Variants in SYT17 observed in about 807,000 individuals in gnomAD.
SYT17 encodes synaptotagmin-17.
In SYT17, 22 loss-of-function variants were observed where a neutral mutation model predicts 46.7. The observed-to-expected ratio is 0.47, with a 90% CI of 0.34 to 0.67. The LOEUF (loss-of-function observed/expected upper bound fraction) is 0.67, where lower values mean the gene tolerates loss of function less well. Among genes scored for constraint, SYT17 ranks in the 30% least tolerant of loss-of-function variants. The probability of loss-of-function intolerance (pLI) is 0.01; values close to 1 mark genes in which losing one functional copy is unlikely to be tolerated. For missense variants in SYT17, 519 were observed against 612.8 expected, an observed-to-expected ratio of 0.85 and a Z score of 1.62; for synonymous variants, 251 against 248.4, an observed-to-expected ratio of 1.01 and a Z score of -0.10.
chr16:19,219,561 C>T (rs112664760), intron 5 of SYT17, among the ~76,000 whole-genome samples: 3,438 of 152,240 alleles, frequency 0.023, 143 homozygotes, highest in African/African-American at 0.079. Flanking sequence ...CAATCAACTG[C>T]ATTGAGGCGG....
intron 5 of SYT17, among the ~76,000 whole-genome samples, chr16:19,205,133 A>G (rs1292558786): frequency 6.6e-6 from 1 of 152,178 alleles, no homozygotes; most frequent in Non-Finnish European, 1.5e-5. Flanking sequence ...ATACAGTAAA[A>G]TAAATGTCAG....
chr16:19,249,426 G>T (rs1000652434), intron 7 of SYT17, among the ~76,000 whole-genome samples: 7 of 152,116 alleles, frequency 4.6e-5, no homozygotes, highest in Non-Finnish European at 8.8e-5. Context: ...CTTTCTTTGG[G>T]GAAAGAGCTA....
Position 19,168,664 on chromosome 16 carries a change from A to G in SYT17, c.15+3A>G. The G allele has an allele frequency of 6.6e-7, 1 of 1,523,636 alleles. No individual in the cohort carries two copies. Among genetic ancestry groups the G allele is most frequent in the Non-Finnish European group, 8.8e-7 (1 of 1,133,650 alleles). 94.4% of individuals were successfully genotyped at this position (1,523,636 alleles called of 1,614,324 possible). A position where few individuals can be genotyped will look rare whatever the true frequency, so the allele number is the denominator to read the frequency against. ...GGGCGAAAATGGCGTACATCCAGGTAGGGCTGAGGCTGGGGGCAAGGTCCG... is the reference window on the plus strand; with the variant it reads ...GGGCGAAAATGGCGTACATCCAGGTGGGGCTGAGGCTGGGGGCAAGGTCCG... On this transcript the variant is annotated splice_donor_region_variant and intron_variant, in intron 1 of 7. Coordinates refer to ENST00000355377, the MANE Select transcript of SYT17 (RefSeq NM_016524.4). This position sits in a 1 kb window ranked among gnomAD's most constrained non-coding sequence, Gnocchi z 6.9.
intron 3 of SYT17, among the ~76,000 whole-genome samples, chr16:19,178,137 G>T (rs1457408459): frequency 6.6e-6 from 1 of 151,742 alleles, no homozygotes; most frequent in African/African-American, 2.4e-5. Flanking sequence ...AGGCTGGAGT[G>T]CAGTGGTGCA....
intron 1 of SYT17, among the ~76,000 whole-genome samples, chr16:19,169,363 G>C (rs1433618687): frequency 1.3e-5 from 2 of 152,214 alleles, no homozygotes; most frequent in Non-Finnish European, 2.9e-5. Flanking sequence ...TTGGTGAAAA[G>C]ACCTTTCTCC....
chr16:19,252,679 C>T (rs1207033658), intron 7 of SYT17, among the ~76,000 whole-genome samples: 1 of 149,802 alleles, frequency 6.7e-6, no homozygotes. Flanking sequence ...GAAGAGGATT[C>T]TATTCCTCAA....
rs200001536 is a variant in SYT17, at chr16:19,209,055, G to A, written c.952-13990G>A. ...CCTAATTTTTTGTATTTTTAGTAGA[G>A]ATGGAGTTTCACCATGTTGGTCAGG... On this transcript the variant is annotated intron_variant, in intron 5 of 7. Coordinates refer to ENST00000355377, the MANE Select transcript of SYT17 (RefSeq NM_016524.4). 1.5e-4 allele frequency among the ~76,000 whole-genome samples: 23 copies of A among 151,978 alleles called. No individual in the cohort carries two copies. In the East Asian group the frequency reaches 4.3e-3, roughly 28 times the overall value.
At chr16:19,234,797 A>G (rs1415909928) in intron 7 of SYT17, among the ~76,000 whole-genome samples, 1 of 152,206 alleles carries the variant, frequency 6.6e-6, no homozygotes, top group African/African-American at 2.4e-5. Context: ...GGAAAATTAT[A>G]TCTGCTGTTT....
intron 5 of SYT17, chr16:19,211,134 C>T (rs1038814485): frequency 4.8e-5 from 17 of 357,410 alleles, no homozygotes; most frequent in South Asian, 2.7e-4. Flanking sequence ...GCCCACCCCA[C>T]GTGGTTCGAC....
chr16:19,190,666 G>T (rs573946783), intron 5 of SYT17, among the ~76,000 whole-genome samples: 1 of 152,180 alleles, frequency 6.6e-6, no homozygotes, highest in South Asian at 2.1e-4. Context: ...TATTTTTCCT[G>T]TGGCTGGCTT....
chr16:19,189,003 C>G (rs1964902482), intron 5 of SYT17, among the ~76,000 whole-genome samples: 1 of 152,108 alleles, frequency 6.6e-6, no homozygotes, highest in African/African-American at 2.4e-5. Context: ...TCTCCTGGCT[C>G]AGCCTCCCGA....
At chr16:19,235,013 C>G (rs1323516479) in intron 7 of SYT17, among the ~76,000 whole-genome samples, 4 of 152,102 alleles carry the variant, frequency 2.6e-5, no homozygotes, top group African/African-American at 9.7e-5. Context: ...TTTGTGCTCC[C>G]TGAAGTTTCT....
At chr16:19,173,374 C>T (rs1964179232) in intron 2 of SYT17, 56 bp from the exon 3 acceptor site, 2 of 425,422 alleles carry the variant, frequency 4.7e-6, no homozygotes, top group East Asian at 8.5e-5. Context: ...CTCTTCCCCA[C>T]CCTGCCCACC....
chr16:19,213,345 C>G (rs1027816856), intron 5 of SYT17, among the ~76,000 whole-genome samples: 1 of 152,048 alleles, frequency 6.6e-6, no homozygotes, highest in Non-Finnish European at 1.5e-5. Context: ...TTGGAAAGTG[C>G]GGGAATGCGG....
rs140414504 is a variant in SYT17, at chr16:19,189,122, A to G, written c.951+4975A>G. ...AGGATGTTCTCAATCTCCTGACCTC[A>G]TGATCCACCTGCCTCGGCCTCCCAT... On this transcript the variant is annotated intron_variant, in intron 5 of 7. Transcript: ENST00000355377. Among the ~76,000 whole-genome samples the G allele has an allele frequency of 7.5e-3, 1,139 of 152,150 alleles. 15 individuals carry two copies. Among genetic ancestry groups the G allele is most frequent in the African/African-American group, 0.026 (1,099 of 41,514 alleles).
At chr16:19,227,241 A>G (rs1476471130) in intron 7 of SYT17, among the ~76,000 whole-genome samples, 3 of 151,748 alleles carry the variant, frequency 2.0e-5, no homozygotes, top group Admixed American at 6.6e-5. Flanking sequence ...TCCCACACAC[A>G]TGGGGCAGCC....
chr16:19,233,066 C>T (rs1330249172), intron 7 of SYT17, among the ~76,000 whole-genome samples: 1 of 152,290 alleles, frequency 6.6e-6, no homozygotes, highest in Admixed American at 6.5e-5. Context: ...CTCTCTTGTG[C>T]AGGCTGGGTT....
At chr16:19,230,910 C>T (rs961728536) in intron 7 of SYT17, among the ~76,000 whole-genome samples, 6 of 152,054 alleles carry the variant, frequency 3.9e-5, no homozygotes, top group African/African-American at 9.7e-5. Flanking sequence ...AAATATGAGA[C>T]GTTATTATTA....
At chr16:19,226,726 T>C (rs1254863074) in intron 7 of SYT17, among the ~76,000 whole-genome samples, 1 of 152,162 alleles carries the variant, frequency 6.6e-6, no homozygotes, top group Non-Finnish European at 1.5e-5. Flanking sequence ...GTGGGGCCTA[T>C]TGTATATTAA....
Sources: gnomAD v4.1 joint callset for allele counts (sites outside exome capture counted in the v4.1 genomes callset) on GRCh38, gnomAD v4.1.1 for gene constraint, Gnocchi (gnomAD v3.1) non-coding constraint, MANE v1.5 for transcripts, NCBI Gene and HGNC (gene_info 2026-07-23, HGNC 2026-07-21) for gene names.